The following ACOT7 variants were observed in gnomAD, a reference collection of about 807,000 sequenced individuals.
ACOT7 encodes cytosolic acyl coenzyme A thioester hydrolase.
A neutral mutation model predicts 40.2 loss-of-function variants in ACOT7; 12 were observed. The observed-to-expected ratio is 0.30, with a 90% CI of 0.19 to 0.48. The LOEUF is 0.48. Ranked by LOEUF, ACOT7 falls within the 20% of genes least tolerant of loss-of-function variation. The pLI is 0.99. For missense variants in ACOT7, 395 were observed against 530.8 expected, an observed-to-expected ratio of 0.74 and a Z score of 2.51; for synonymous variants, 228 against 219.5, an observed-to-expected ratio of 1.04 and a Z score of -0.34.
rs112930544 is a variant in ACOT7 at position 6,347,768 on chromosome 1, GA to G, written c.261+1980del. ...GGTGACAGAGTGAGACTCTGTCTCA[GA>G]AAAAAAAAAACAAGACAAGAACAGC... On this transcript the variant is annotated intron_variant, in intron 2 of 8. Coordinates refer to ENST00000361521, the MANE Select transcript of ACOT7 (RefSeq NM_007274.4). 1.5e-4 allele frequency among the ~76,000 whole-genome samples: 22 copies of G among 145,436 alleles called. No homozygotes were observed. The East Asian group carries it at 2.0e-3, about 13-fold the overall frequency.
intron 3 of ACOT7, among the ~76,000 whole-genome samples, chr1:6,337,280 G>A (rs1184187323): frequency 1.3e-5 from 2 of 152,216 alleles, no homozygotes; most frequent in Non-Finnish European, 2.9e-5. Flanking sequence ...GTGAGCTGGT[G>A]GGGGCTGCTC....
At chr1:6,300,122 C>T (rs985523400) in intron 6 of ACOT7, among the ~76,000 whole-genome samples, 1 of 152,140 alleles carries the variant, frequency 6.6e-6, no homozygotes, top group African/African-American at 2.4e-5. Context: ...ACCAAATGTG[C>T]ACTATATGTG....
intron 2 of ACOT7, among the ~76,000 whole-genome samples, chr1:6,340,157 G>A (rs1239678093): frequency 3.9e-5 from 6 of 152,060 alleles, no homozygotes; most frequent in Admixed American, 6.6e-5. Context: ...TAGTAGAGAC[G>A]GGGTTTCTCC....
At position 6,327,398 on chromosome 1, in the gene ACOT7, G is replaced by C; in HGVS notation, c.526C>G (p.Gln176Glu). ...VPPVVYSRQE[Q>E]EEEGRKRYEA... The stretch of plus-strand genomic sequence containing the variant: ...TACCGCTTCCGGCCCTCCTCCTCCT[G>C]CTCCTGCCGGGAATACTGCGAGAAA... Residue 176 changes from glutamine to glutamate, a missense_variant, in exon 5 of 9, where the codon CAG (glutamine) becomes GAG (glutamate). By Grantham distance (29) the Gln-to-Glu change is conservative (BLOSUM62 2). This residue lies in a region of ACOT7 where 309 missense variants were observed against 470.3 expected (regional missense o/e 0.66). Coordinates refer to ENST00000361521, the MANE Select transcript of ACOT7 (RefSeq NM_007274.4). 1 of 1,614,136 alleles carries C rather than the reference G, an allele frequency of 6.2e-7. No homozygotes were observed. Among genetic ancestry groups the C allele is most frequent in the Non-Finnish European group, 8.5e-7 (1 of 1,180,020 alleles).
chr1:6,305,276 G>A (rs1640106195), intron 6 of ACOT7, among the ~76,000 whole-genome samples: 1 of 147,628 alleles, frequency 6.8e-6, no homozygotes, highest in African/African-American at 2.5e-5. Flanking sequence ...CTCCCGGACG[G>A]GGCGGCTGTC....
intron 5 of ACOT7, among the ~76,000 whole-genome samples, chr1:6,323,735 AAAATATATATATAT>A (rs1225528101): frequency 3.5e-4 from 19 of 53,994 alleles, no homozygotes; most frequent in African/African-American, 8.4e-4. Flanking sequence ...AAAAAAAAAA[AAAATATATATATAT>A]ATATATATAT....
intron 1 of ACOT7, among the ~76,000 whole-genome samples, chr1:6,354,310 A>C (rs557180584): frequency 3.3e-5 from 5 of 152,132 alleles, no homozygotes; most frequent in Non-Finnish European, 7.4e-5. Flanking sequence ...ACCTTGGCCA[A>C]GTCCTGAAGG....
chr1:6,372,252 G>A (rs899117820), intron 1 of ACOT7, among the ~76,000 whole-genome samples: 2 of 152,092 alleles, frequency 1.3e-5, no homozygotes, highest in Admixed American at 6.6e-5. Flanking sequence ...ACCTCTCTCA[G>A]CCTTCATAGA....
intron 1 of ACOT7, among the ~76,000 whole-genome samples, chr1:6,369,398 CTTTTT>C (rs60404741): frequency 9.9e-6 from 1 of 100,912 alleles, no homozygotes; most frequent in African/African-American, 4.3e-5. Flanking sequence ...AAATGCATTT[CTTTTT>C]TTTTTTTTTT....
chr1:6,379,494 G>C (rs1038609333), intron 1 of ACOT7, among the ~76,000 whole-genome samples: 4 of 151,442 alleles, frequency 2.6e-5, no homozygotes, highest in African/African-American at 4.8e-5. Context: ...GTCTCACTCC[G>C]TCACCCAGGC....
Position 6,281,270 on chromosome 1 carries a change from G to A in ACOT7, c.846C>T (p.Ile282=). 6.2e-7 allele frequency: 1 copy of A among 1,613,464 alleles called. No homozygotes were observed. The highest frequency in any genetic ancestry group is 8.5e-7 in the Non-Finnish European group (1 of 1,179,962). ...TGCTCGTGAAGGTCATGCGTCCCGAGATGGTGATGACGCAGCCTGTGGAGA... is the reference window on the plus strand; with the variant it reads ...TGCTCGTGAAGGTCATGCGTCCCGAAATGGTGATGACGCAGCCTGTGGAGA... ...DKIRKGCVIT[I]SGRMTFTSNK... The change falls in exon 8 of 9, where the codon ATC becomes ATT. Residue 282 remains isoleucine (I), a synonymous_variant. Coordinates refer to ENST00000361521, the MANE Select transcript of ACOT7 (RefSeq NM_007274.4).
chr1:6,324,250 A>G (rs1287927319), intron 5 of ACOT7, among the ~76,000 whole-genome samples: 1 of 152,212 alleles, frequency 6.6e-6, no homozygotes, highest in Non-Finnish European at 1.5e-5. Context: ...AGAAATGCTC[A>G]AGAAAGAATG....
chr1:6,311,724 CT>C lies in ACOT7; in HGVS notation c.712+6767del, dbSNP rs1640336545. On this transcript the variant is annotated intron_variant, in intron 6 of 8. Transcript: ENST00000361521. This position sits in a 1 kb window ranked among gnomAD's most constrained non-coding sequence, Gnocchi z 5.2. The stretch of plus-strand genomic sequence containing the variant: ...AAGGATTTCAGAACTGGGAAACTTG[CT>C]GAGAAGAAGGGAAACACACTCATGG... Among the ~76,000 whole-genome samples the C allele has an allele frequency of 6.6e-6, 1 of 152,208 alleles. No homozygotes were observed. Among genetic ancestry groups the C allele is most frequent in the South Asian group, 2.1e-4 (1 of 4,830 alleles).
chr1:6,362,949 T>C (rs1557668448), intron 1 of ACOT7, among the ~76,000 whole-genome samples: 1 of 152,086 alleles, frequency 6.6e-6, no homozygotes, highest in Non-Finnish European at 1.5e-5. Context: ...GCCATCCAGG[T>C]GCCGAGGCAA....
chr1:6,383,521 T>C (rs907530157), intron 1 of ACOT7, among the ~76,000 whole-genome samples: 25 of 148,566 alleles, frequency 1.7e-4, no homozygotes, highest in African/African-American at 6.1e-4. Flanking sequence ...AATTATATAT[T>C]ATGTGTATTT....
intron 1 of ACOT7, among the ~76,000 whole-genome samples, chr1:6,356,771 T>C (rs1040655754): frequency 6.6e-6 from 1 of 150,388 alleles, no homozygotes; most frequent in African/African-American, 2.5e-5. Flanking sequence ...AGAAAAAAAA[T>C]AGCTGGGCGT....
chr1:6,387,715 A>T (rs1255256665), intron 1 of ACOT7, among the ~76,000 whole-genome samples: 1 of 152,208 alleles, frequency 6.6e-6, no homozygotes, highest in African/African-American at 2.4e-5. Context: ...GCAGGTGCCA[A>T]TTCCAGGGCA....
At chr1:6,268,801 C>T (rs765453610) in intron 8 of ACOT7, among the ~76,000 whole-genome samples, 2 of 152,254 alleles carry the variant, frequency 1.3e-5, no homozygotes, top group Non-Finnish European at 2.9e-5. Context: ...AGTCCCCTAA[C>T]GATCTGGCCT....
chr1:6,287,499 G>A (rs1188295414), intron 7 of ACOT7, among the ~76,000 whole-genome samples: 1 of 152,258 alleles, frequency 6.6e-6, no homozygotes, highest in Non-Finnish European at 1.5e-5. Flanking sequence ...GTGGCACAAT[G>A]CCTGGCATCA....
Sources: gnomAD v4.1 joint callset for allele counts (sites outside exome capture counted in the v4.1 genomes callset) on GRCh38, gnomAD v4.1.1 for gene constraint, gnomAD v4.1.1 regional missense constraint, Gnocchi (gnomAD v3.1) non-coding constraint, MANE v1.5 for transcripts, NCBI Gene and HGNC (gene_info 2026-07-23, HGNC 2026-07-21) for gene names.